The following SIPA1L3 variants were observed in gnomAD, a reference collection of about 807,000 sequenced individuals.
SIPA1L3 encodes signal-induced proliferation-associated 1-like protein 3.
Under a neutral mutation model 150.1 loss-of-function variants are expected in SIPA1L3, and 59 were observed. That is an observed-to-expected ratio of 0.39 (90% CI 0.32 to 0.49). The LOEUF (loss-of-function observed/expected upper bound fraction) is 0.49. Among genes scored for constraint, SIPA1L3 ranks in the 20% least tolerant of loss-of-function variants. The pLI is 0.86. For missense variants in SIPA1L3, 2,211 were observed against 2,489.5 expected (o/e 0.89, Z 2.38); for synonymous variants, 1,070 against 1,077.6 (o/e 0.99, Z 0.14).
chr19:38,100,096 G>A lies in SIPA1L3; in HGVS notation c.1800G>A (p.Leu600=). 1 of 1,610,510 alleles carries A rather than the reference G, an allele frequency of 6.2e-7. No homozygotes were observed. The highest frequency in any genetic ancestry group is 8.5e-7 in the Non-Finnish European group (1 of 1,178,670). Residue 600 remains leucine (L), a synonymous_variant, in exon 5 of 22, where the codon CTG becomes CTA. Transcript: ENST00000222345. ...AGCTCAACATCCACTGCCTGCGGCTGGCCCTCAACACCCCCAAGGTGACGG... is the reference window on the plus strand; with the variant it reads ...AGCTCAACATCCACTGCCTGCGGCTAGCCCTCAACACCCCCAAGGTGACGG... The part of the protein sequence containing the change: ...IPELNIHCLR[L]ALNTPKVTEQ...
chr19:38,137,908 A>C (rs1971471309), intron 10 of SIPA1L3, among the ~76,000 whole-genome samples: 1 of 152,138 alleles, frequency 6.6e-6, no homozygotes, highest in Admixed American at 6.6e-5. Context: ...AGGTGGATGC[A>C]TCACTTGAGG....
At chr19:38,033,494 C>G (rs992438850) in intron 2 of SIPA1L3, among the ~76,000 whole-genome samples, 5 of 152,040 alleles carry the variant, frequency 3.3e-5, no homozygotes, top group African/African-American at 1.2e-4. Context: ...TTAAGACCAG[C>G]CTGGGCAGCA....
At chr19:38,204,576 C>T (rs1973166918) in intron 21 of SIPA1L3, among the ~76,000 whole-genome samples, 1 of 152,138 alleles carries the variant, frequency 6.6e-6, no homozygotes, top group African/African-American at 2.4e-5. Flanking sequence ...CCAGCCTGGT[C>T]AACATGGTGA....
chr19:38,141,158 C>A (rs1221497587), intron 10 of SIPA1L3, 26 bp from the exon 11 acceptor site: 2 of 1,531,886 alleles, frequency 1.3e-6, no homozygotes, highest in East Asian at 2.4e-5. Context: ...TGGGGCCTTT[C>A]TGAGTAATGC....
intron 2 of SIPA1L3, among the ~76,000 whole-genome samples, chr19:38,071,201 T>TTTTC: frequency 7.0e-6 from 1 of 142,266 alleles, no homozygotes; most frequent in African/African-American, 2.6e-5. Flanking sequence ...TTATGTTGTT[T>TTTTC]TATCTATCTA....
chr19:38,087,175 T>C, intron 3 of SIPA1L3, among the ~76,000 whole-genome samples: 1 of 152,204 alleles, frequency 6.6e-6, no homozygotes, highest in Non-Finnish European at 1.5e-5. Flanking sequence ...TTGTCAAAGC[T>C]AGTAAATAAG....
intron 4 of SIPA1L3, among the ~76,000 whole-genome samples, chr19:38,092,160 T>C (rs985873007): frequency 6.6e-6 from 1 of 151,836 alleles, no homozygotes; most frequent in Admixed American, 6.6e-5. Flanking sequence ...GACGGAAGGA[T>C]TGCTTGAAGC....
intron 1 of SIPA1L3, among the ~76,000 whole-genome samples, chr19:37,996,677 C>T (rs942106861): frequency 2.0e-5 from 3 of 152,100 alleles, no homozygotes; most frequent in Non-Finnish European, 4.4e-5. Flanking sequence ...CAATCCTCCA[C>T]TGCCATCCTC....
intron 1 of SIPA1L3, among the ~76,000 whole-genome samples, chr19:37,923,803 A>G (rs1209677666): frequency 6.7e-6 from 1 of 150,240 alleles, no homozygotes; most frequent in African/African-American, 2.5e-5. Flanking sequence ...TCTGTTACCC[A>G]GGCTGGAGTG....
At position 38,168,777 on chromosome 19, in the gene SIPA1L3, C is replaced by A. The variant is rs147626615; in HGVS notation, c.4208+3871C>A. On this transcript the variant is annotated intron_variant, in intron 15 of 21. Coordinates refer to ENST00000222345, the MANE Select transcript of SIPA1L3 (RefSeq NM_015073.3). ...GGCAATGAAATGGGAGAGGAGCCCGCTGCAGAAGAGGGCCCTGCGGTTGGG... is the reference window on the plus strand; with the variant it reads ...GGCAATGAAATGGGAGAGGAGCCCGATGCAGAAGAGGGCCCTGCGGTTGGG... 8.5e-4 allele frequency among the ~76,000 whole-genome samples: 129 copies of A among 152,328 alleles called. 3 individuals carry two copies. The East Asian group carries it at 0.019, about 22-fold the overall frequency.
At chr19:38,111,992 CACCT>C (rs1341884757) in intron 8 of SIPA1L3, among the ~76,000 whole-genome samples, 1 of 149,114 alleles carries the variant, frequency 6.7e-6, no homozygotes, top group African/African-American at 2.5e-5. Flanking sequence ...CACAGGCACA[CACCT>C]GCACACAGGC....
At chr19:37,929,641 C>T (rs2046535345) in intron 1 of SIPA1L3, among the ~76,000 whole-genome samples, 1 of 152,094 alleles carries the variant, frequency 6.6e-6, no homozygotes, top group African/African-American at 2.4e-5. Context: ...CTGGGTCTCA[C>T]CCATCTCTCT....
chr19:38,055,688 C>T (rs899382850), intron 2 of SIPA1L3, among the ~76,000 whole-genome samples: 4 of 152,248 alleles, frequency 2.6e-5, no homozygotes, highest in Non-Finnish European at 4.4e-5. Context: ...GTGCCTGGCC[C>T]TGGAGTAACC....
Position 38,198,423 on chromosome 19 carries a change from T to C in SIPA1L3, c.4875T>C (p.Asp1625=), listed in dbSNP as rs772944059. The change falls in exon 19 of 22, where the codon GAT becomes GAC. Residue 1625 remains aspartate (D), a synonymous_variant. Coordinates refer to ENST00000222345, the MANE Select transcript of SIPA1L3 (RefSeq NM_015073.3). The part of the protein sequence containing the change: ...TISASELSLA[D]GRDRPLRRLD... ...CAGCCTCGGAGCTCTCGCTGGCTGATGGGCGGGACCGCCCCCTGCGGCGCC... is the reference window on the plus strand; with the variant it reads ...CAGCCTCGGAGCTCTCGCTGGCTGACGGGCGGGACCGCCCCCTGCGGCGCC... 6 of 1,589,948 alleles carry C rather than the reference T, an allele frequency of 3.8e-6. No individual in the cohort carries two copies. The highest frequency in any genetic ancestry group is 4.3e-6 in the Non-Finnish European group (5 of 1,169,700).
chr19:38,192,664 C>T lies in SIPA1L3; in HGVS notation c.4596+354C>T, dbSNP rs566046327. ...GGACTGAGAGTGGAGCAGGGGCTCC[C>T]AGAGGAAGTTCAGACTCTTGTTACT... On this transcript the variant is annotated intron_variant, in intron 17 of 21. Transcript: ENST00000222345. Among the ~76,000 whole-genome samples, 8 of 152,270 alleles carry T rather than the reference C, an allele frequency of 5.3e-5. No individual in the cohort carries two copies. The South Asian group carries it at 8.3e-4, about 16-fold the overall frequency.
rs1477517427 is a variant in SIPA1L3 at position 37,908,702 on chromosome 19, C to A, written c.-379+1344C>A. On this transcript the variant is annotated intron_variant, in intron 1 of 21. Transcript: ENST00000222345. The stretch of plus-strand genomic sequence containing the variant: ...AAGTTAGTGTTTTTTTATCTTCCCC[C>A]TCCCTCCCAAATTTTACTTACCAAA... Among the ~76,000 whole-genome samples, 3 of 151,970 alleles carry A rather than the reference C, an allele frequency of 2.0e-5. No homozygotes were observed. The East Asian group carries it at 5.8e-4, about 29-fold the overall frequency.
rs556368285 is a variant in SIPA1L3 at position 37,976,718 on chromosome 19, G to T, written c.-378-52371G>T. ...AGATGGGAATGAGAACCGGAGGGTT[G>T]CTTTGAGGATTCAGTAAGTTGATAT... On this transcript the variant is annotated intron_variant, in intron 1 of 21. Transcript: ENST00000222345. Among the ~76,000 whole-genome samples, 3 of 152,328 alleles carry T rather than the reference G, an allele frequency of 2.0e-5. No individual in the cohort carries two copies. In the South Asian group the frequency reaches 6.2e-4, roughly 32 times the overall value.
intron 1 of SIPA1L3, among the ~76,000 whole-genome samples, chr19:37,940,164 C>G (rs1463446595): frequency 6.6e-6 from 1 of 151,948 alleles, no homozygotes; most frequent in Non-Finnish European, 1.5e-5. Context: ...AACTGTACTC[C>G]CAGCACTTTG....
intron 15 of SIPA1L3, among the ~76,000 whole-genome samples, chr19:38,171,233 C>A (rs1972320981): frequency 1.3e-5 from 2 of 151,924 alleles, no homozygotes; most frequent in African/African-American, 4.8e-5. Context: ...GAACACAGGC[C>A]CTTGGGCTCA....
Sources: allele counts gnomAD v4.1 joint callset (sites outside exome capture counted in the v4.1 genomes callset), GRCh38; gene constraint gnomAD v4.1.1; transcripts MANE v1.5; gene names NCBI Gene and HGNC (gene_info 2026-07-23, HGNC 2026-07-21).